The following POU2F1 variants were observed in gnomAD, a reference collection of about 807,000 sequenced individuals.
POU2F1 encodes POU domain, class 2, transcription factor 1.
POU2F1 carries 16 observed loss-of-function variants against 84.9 expected under a neutral mutation model. The observed-to-expected ratio is 0.19, with a 90% CI of 0.13 to 0.29. POU2F1 has a LOEUF of 0.29. POU2F1 is among the 10% of genes least tolerant of loss of function. The pLI, the probability that POU2F1 is intolerant of heterozygous loss-of-function variation, is 1.00. For missense variants in POU2F1, 738 were observed against 942.6 expected (o/e 0.78, Z 2.84); for synonymous variants, 368 against 368.3 (o/e 1.00, Z 0.01).
chr1:167,236,415 A>G (rs974227508), intron 1 of POU2F1, among the ~76,000 whole-genome samples: 2 of 152,110 alleles, frequency 1.3e-5, no homozygotes, highest in Admixed American at 6.5e-5. Context: ...TCTTCTTATT[A>G]AATTTTTATT....
intron 1 of POU2F1, among the ~76,000 whole-genome samples, chr1:167,303,293 T>C (rs1181275218): frequency 1.3e-5 from 2 of 152,224 alleles, no homozygotes; most frequent in African/African-American, 4.8e-5. Context: ...CAGGTACTAG[T>C]TATTTCTGTT....
intron 1 of POU2F1, among the ~76,000 whole-genome samples, chr1:167,275,539 G>T (rs184739621): frequency 1.0e-3 from 158 of 152,234 alleles, no homozygotes; most frequent in Non-Finnish European, 2.0e-3. Context: ...CAACAGTTCA[G>T]ATTTTTCATT....
chr1:167,371,789 AG>A lies in POU2F1; in HGVS notation c.283-126del. The A allele has an allele frequency of 2.4e-6, 3 of 1,252,462 alleles. No individual in the cohort carries two copies. In the South Asian group the frequency reaches 4.1e-5, roughly 17 times the overall value. The allele number at this position is 1,252,462 out of a possible 1,614,324, so 77.6% of individuals were successfully genotyped here. A position where few individuals can be genotyped will look rare whatever the true frequency, so the allele number is the denominator to read the frequency against. On this transcript the variant is annotated intron_variant, in intron 4 of 15. Transcript: ENST00000367866. ...AACTAGGAAAATACAAATAAAAGAA[AG>A]GAGGTAAACCAGAACTCATGACTGA...
At position 167,412,322 on chromosome 1, in the gene POU2F1, C is replaced by G. The variant is rs1454442903; in HGVS notation, c.1901+18C>G. ...GCGGCTGGGTAAGGCGCTTTCTCATCTCATTCACGTCTGAGGTGGAGGTCA... is the reference window on the plus strand; with the variant it reads ...GCGGCTGGGTAAGGCGCTTTCTCATGTCATTCACGTCTGAGGTGGAGGTCA... On this transcript the variant is annotated intron_variant, in intron 14 of 15. Coordinates refer to ENST00000367866, the MANE Select transcript of POU2F1 (RefSeq NM_002697.4). 5.3e-6 allele frequency: 8 copies of G among 1,513,706 alleles called. No homozygotes were observed. Among genetic ancestry groups the G allele is most frequent in the African/African-American group, 2.8e-5 (2 of 72,418 alleles). 93.8% of individuals were successfully genotyped at this position (1,513,706 alleles called of 1,614,324 possible).
intron 2 of POU2F1, among the ~76,000 whole-genome samples, chr1:167,351,130 A>G (rs1247031468): frequency 1.3e-5 from 2 of 152,178 alleles, no homozygotes; most frequent in Non-Finnish European, 2.9e-5. Context: ...AGGTGGGTGG[A>G]TCACCTAAGG....
chr1:167,317,465 G>A (rs1457751678), intron 1 of POU2F1, among the ~76,000 whole-genome samples: 1 of 152,164 alleles, frequency 6.6e-6, no homozygotes, highest in African/African-American at 2.4e-5. Flanking sequence ...GAATCAGGGG[G>A]CTGACAGCCT....
chr1:167,366,174 C>G (rs1007517139), intron 3 of POU2F1, among the ~76,000 whole-genome samples: 1 of 152,198 alleles, frequency 6.6e-6, no homozygotes, highest in African/African-American at 2.4e-5. Context: ...AAAACAAACA[C>G]TGGCTACTCA....
intron 1 of POU2F1, among the ~76,000 whole-genome samples, chr1:167,262,677 A>G (rs1279102717): frequency 6.6e-6 from 1 of 152,114 alleles, no homozygotes; most frequent in Non-Finnish European, 1.5e-5. Flanking sequence ...GCCCCTGGGG[A>G]TGGATTTTGT....
chr1:167,244,379 C>T (rs1650153370), intron 1 of POU2F1, among the ~76,000 whole-genome samples: 2 of 152,192 alleles, frequency 1.3e-5, no homozygotes, highest in South Asian at 4.1e-4. Flanking sequence ...GGTGGTCGAA[C>T]CGAGGACCCT....
chr1:167,388,477 A>G (rs1018712953), intron 8 of POU2F1, among the ~76,000 whole-genome samples: 18 of 152,214 alleles, frequency 1.2e-4, no homozygotes, highest in African/African-American at 4.3e-4. Context: ...AATAACTAAT[A>G]TGCATAAAGT....
chr1:167,396,420 T>C lies in POU2F1; in HGVS notation c.1122T>C (p.Asn374=). 1.2e-6 allele frequency: 2 copies of C among 1,613,798 alleles called. No individual in the cohort carries two copies. The highest frequency in any genetic ancestry group is 1.7e-6 in the Non-Finnish European group (2 of 1,179,774). Residue 374 remains asparagine, a synonymous_variant, in exon 10 of 16, where the codon AAT becomes AAC. Transcript: ENST00000367866. ...AGCCACTTTTAGAGAAGTGGCTAAA[T>C]GATGCAGGTAAGTGACTGTATAAGA... ...KLKPLLEKWL[N]DAENLSSDSS... is the part of the protein sequence containing the mutation.
chr1:167,383,759 A>G (rs1488171989), intron 7 of POU2F1, 98 bp from the exon 8 acceptor site: 12 of 1,030,418 alleles, frequency 1.2e-5, no homozygotes, highest in Admixed American at 6.5e-5. Flanking sequence ...CCAGAGATCA[A>G]CTGGAAATTT....
At chr1:167,287,168 A>C (rs1169017968) in intron 1 of POU2F1, among the ~76,000 whole-genome samples, 1 of 152,196 alleles carries the variant, frequency 6.6e-6, no homozygotes, top group African/African-American at 2.4e-5. Context: ...TATACTGATG[A>C]AGGCTTGTCT....
At chr1:167,243,153 TTAAGAA>T (rs1478712663) in intron 1 of POU2F1, among the ~76,000 whole-genome samples, 1 of 152,250 alleles carries the variant, frequency 6.6e-6, no homozygotes, top group Non-Finnish European at 1.5e-5. Context: ...TGCATGGTAA[TTAAGAA>T]TACTGGCCTA....
chr1:167,380,951 T>C (rs780248964), intron 7 of POU2F1: 1 of 152,224 alleles, frequency 6.6e-6, no homozygotes, highest in Non-Finnish European at 1.5e-5. Context: ...TTGGTTATCT[T>C]ATTCTGCCCT....
chr1:167,355,034 A>G (rs558976522), intron 2 of POU2F1, among the ~76,000 whole-genome samples: 1 of 151,930 alleles, frequency 6.6e-6, no homozygotes, highest in Non-Finnish European at 1.5e-5. Context: ...ATGTGTTTTC[A>G]TCTTTTGGTT....
At chr1:167,303,004 T>C (rs772414980) in intron 1 of POU2F1, among the ~76,000 whole-genome samples, 17 of 152,208 alleles carry the variant, frequency 1.1e-4, no homozygotes, top group Non-Finnish European at 5.9e-5. Context: ...TATAATCTTA[T>C]ATCTTTTTTC....
chr1:167,334,048 A>G (rs1348645575), intron 2 of POU2F1, among the ~76,000 whole-genome samples: 1 of 152,112 alleles, frequency 6.6e-6, no homozygotes, highest in Non-Finnish European at 1.5e-5. Flanking sequence ...AAAACACTGA[A>G]AATAGCCATT....
In POU2F1 at chr1:167,415,806, A is replaced by C. The variant is rs760771979; in HGVS notation, c.2297A>C (p.Gln766Pro). ...ASTTTTASKA[Q>P] The stretch of plus-strand genomic sequence containing the variant: ...ACCACCACCACCGCCTCCAAGGCAC[A>C]GTGAGCTGGGCAGAGCTGGGCTGCC... Residue 766 changes from glutamine to proline, a missense_variant, in exon 16 of 16, where the codon CAG (glutamine) becomes CCG (proline). Gln to Pro is a moderately conservative substitution (Grantham distance 76). This residue lies in a region of POU2F1 where 319 missense variants were observed against 386.0 expected (regional missense o/e 0.83). Transcript: ENST00000367866. 1 of 1,613,508 alleles carries C rather than the reference A, an allele frequency of 6.2e-7. No homozygotes were observed. Among genetic ancestry groups the C allele is most frequent in the Non-Finnish European group, 8.5e-7 (1 of 1,179,636 alleles).
Sources: gnomAD v4.1 joint callset for allele counts (sites outside exome capture counted in the v4.1 genomes callset) on GRCh38, gnomAD v4.1.1 for gene constraint, gnomAD v4.1.1 regional missense constraint, MANE v1.5 for transcripts, NCBI Gene and HGNC (gene_info 2026-07-23, HGNC 2026-07-21) for gene names.